The following RYR2 variants were observed in gnomAD, a reference collection of about 807,000 sequenced individuals.
RYR2 encodes cardiac muscle ryanodine receptor-calcium release channel.
Under a neutral mutation model 601.1 loss-of-function variants are expected in RYR2, and 227 were observed. That is an observed-to-expected ratio of 0.38 (90% CI 0.34 to 0.42). RYR2 has a LOEUF of 0.42. RYR2 is among the 10% of genes least tolerant of loss of function. The pLI is 1.00. For missense variants in RYR2, 4,646 were observed against 6,156.5 expected (o/e 0.75, Z 8.21); for synonymous variants, 2,223 against 2,175.1 (o/e 1.02, Z -0.61).
At chr1:237,831,441 T>G (rs1574129176) in intron 103 of RYR2, 73 bp from the exon 104 acceptor site, 1 of 833,984 alleles carries the variant, frequency 1.2e-6, no homozygotes, top group East Asian at 2.5e-5. Flanking sequence ...ACCATACAAT[T>G]TATCTAAATA....
intron 71 of RYR2, among the ~76,000 whole-genome samples, chr1:237,712,321 G>T (rs1054951929): frequency 1.3e-5 from 2 of 152,062 alleles, no homozygotes; most frequent in Non-Finnish European, 2.9e-5. Context: ...GATTAGAGCA[G>T]GTGGATAGTA....
At chr1:237,677,161 A>T (rs1467437826) in intron 60 of RYR2, among the ~76,000 whole-genome samples, 1 of 152,096 alleles carries the variant, frequency 6.6e-6, no homozygotes, top group African/African-American at 2.4e-5. Flanking sequence ...TATTATTATT[A>T]TATTATTTTG....
At chr1:237,644,375 G>A (rs962848860) in intron 48 of RYR2, among the ~76,000 whole-genome samples, 2 of 152,040 alleles carry the variant, frequency 1.3e-5, no homozygotes, top group African/African-American at 4.8e-5. Flanking sequence ...AGGGACTACA[G>A]GCATGTGTCA....
At chr1:237,291,661 T>C (rs1432317278) in intron 2 of RYR2, among the ~76,000 whole-genome samples, 1 of 152,106 alleles carries the variant, frequency 6.6e-6, no homozygotes, top group Non-Finnish European at 1.5e-5. Context: ...TGCATGTCAC[T>C]AAGTGAAAGA....
chr1:237,297,926 A>ATT lies in RYR2; in HGVS notation c.168+27323_168+27324dup, dbSNP rs71661539. ...CTACCATATCTGGCTAATTTTTTGTATTTTTTTTTTTTTTGTAGAGGTGTG... is the reference window on the plus strand; with the variant it reads ...CTACCATATCTGGCTAATTTTTTGTATTTTTTTTTTTTTTTTGTAGAGGTGTG... On this transcript the variant is annotated intron_variant, in intron 2 of 104. Transcript: ENST00000366574. Among the ~76,000 whole-genome samples the ATT allele has an allele frequency of 1.5e-3, 205 of 133,370 alleles. 2 individuals are homozygous for ATT. Among genetic ancestry groups the ATT allele is most frequent in the African/African-American group, 4.1e-3 (147 of 35,466 alleles). 87.5% of individuals were successfully genotyped at this position (133,370 alleles called of 152,430 possible).
At chr1:237,797,181 G>A (rs1475201732) in intron 96 of RYR2, among the ~76,000 whole-genome samples, 2 of 152,070 alleles carry the variant, frequency 1.3e-5, no homozygotes, top group South Asian at 2.1e-4. Context: ...AGCTCACAGG[G>A]GAGCTGTGAG....
chr1:237,350,698 C>T (rs879625850), intron 3 of RYR2, among the ~76,000 whole-genome samples: 2 of 139,264 alleles, frequency 1.4e-5, no homozygotes, highest in African/African-American at 2.7e-5. Flanking sequence ...GGACATTTCC[C>T]TATGTTAAAA....
intron 1 of RYR2, among the ~76,000 whole-genome samples, chr1:237,070,057 A>G (rs754338417): frequency 5.7e-4 from 80 of 140,786 alleles, no homozygotes; most frequent in Non-Finnish European, 9.9e-4. Flanking sequence ...TGGAGACACA[A>G]TCTTACTGTG....
At chr1:237,226,593 T>C (rs1273484083) in intron 1 of RYR2, among the ~76,000 whole-genome samples, 1 of 152,166 alleles carries the variant, frequency 6.6e-6, no homozygotes, top group Non-Finnish European at 1.5e-5. Context: ...TTCCTGATTC[T>C]AAGGCCATTT....
intron 1 of RYR2, among the ~76,000 whole-genome samples, chr1:237,208,000 G>C (rs1682004511): frequency 2.0e-5 from 3 of 152,224 alleles, no homozygotes; most frequent in Non-Finnish European, 2.9e-5. Context: ...ATTTGTTCCA[G>C]GTGAGGCCCA....
At chr1:237,364,459 G>C in intron 5 of RYR2, 87 bp downstream of exon 5, 1 of 627,100 alleles carries the variant, frequency 1.6e-6, no homozygotes, top group African/African-American at 1.9e-5. Flanking sequence ...CTGCATATTA[G>C]TATAGCTGTA....
In RYR2 at chr1:237,209,497, A is replaced by ATGTGTGTG. The variant is rs55861841; in HGVS notation, c.49-60990_49-60983dup. The stretch of plus-strand genomic sequence containing the variant: ...ATGGTACAGTGTAAAATCTGCATAT[A>ATGTGTGTG]TGTGTGTGTGTGTGTGTATTTTTTT... On this transcript the variant is annotated intron_variant, in intron 1 of 104. Coordinates refer to ENST00000366574, the MANE Select transcript of RYR2 (RefSeq NM_001035.3). 2.0e-3 allele frequency among the ~76,000 whole-genome samples: 285 copies of ATGTGTGTG among 143,348 alleles called. 3 individuals carry two copies. Among genetic ancestry groups the ATGTGTGTG allele is most frequent in the African/African-American group, 6.6e-3 (259 of 39,460 alleles). The allele number at this position is 143,348 out of a possible 152,430, so 94.0% of individuals were successfully genotyped here.
intron 1 of RYR2, among the ~76,000 whole-genome samples, chr1:237,204,673 G>C (rs996504800): frequency 6.6e-6 from 1 of 152,078 alleles, no homozygotes; most frequent in Non-Finnish European, 1.5e-5. Context: ...CTTTATATTG[G>C]CGGGGTTTTA....
chr1:237,664,423 A>G (rs1182770494), intron 56 of RYR2, among the ~76,000 whole-genome samples: 1 of 152,238 alleles, frequency 6.6e-6, no homozygotes, highest in Admixed American at 6.5e-5. Flanking sequence ...GCAAATTTCA[A>G]AAGAAAGAGG....
chr1:237,172,845 CA>C (rs1247618115), intron 1 of RYR2, among the ~76,000 whole-genome samples: 1 of 152,122 alleles, frequency 6.6e-6, no homozygotes, highest in African/African-American at 2.4e-5. Context: ...GTCTCTGGAA[CA>C]GTCGTTTGTG....
chr1:237,180,806 T>A lies in RYR2; in HGVS notation c.49-89691T>A, dbSNP rs1678656075. The stretch of plus-strand genomic sequence containing the variant: ...ATGAATTATACCAATTATATAATAA[T>A]TACTAATTTCAATCATGTAAATATA... On this transcript the variant is annotated intron_variant, in intron 1 of 104. Transcript: ENST00000366574. The surrounding 1 kb of genome is among the most constrained non-coding windows in gnomAD (Gnocchi z 5.3). Among the ~76,000 whole-genome samples, 1 of 147,816 alleles carries A rather than the reference T, an allele frequency of 6.8e-6. No homozygotes were observed. Among genetic ancestry groups the A allele is most frequent in the Admixed American group, 6.8e-5 (1 of 14,718 alleles).
At chr1:237,462,417 G>A (rs1006469011) in intron 16 of RYR2, among the ~76,000 whole-genome samples, 1 of 152,162 alleles carries the variant, frequency 6.6e-6, no homozygotes, top group Non-Finnish European at 1.5e-5. Context: ...CTTAGAAACA[G>A]CGATACTCAT....
intron 100 of RYR2, among the ~76,000 whole-genome samples, chr1:237,810,676 C>A (rs955489653): frequency 6.6e-6 from 1 of 152,156 alleles, no homozygotes; most frequent in African/African-American, 2.4e-5. Flanking sequence ...TAGCTGCCCT[C>A]ACAAGCTAGG....
At chr1:237,478,596 G>A (rs1228344048) in intron 17 of RYR2, among the ~76,000 whole-genome samples, 5 of 152,284 alleles carry the variant, frequency 3.3e-5, no homozygotes, top group African/African-American at 1.2e-4. Flanking sequence ...TAATAGCAAA[G>A]GCTGATACAA....
Sources: gnomAD v4.1 joint callset for allele counts (sites outside exome capture counted in the v4.1 genomes callset) on GRCh38, gnomAD v4.1.1 for gene constraint, Gnocchi (gnomAD v3.1) non-coding constraint, MANE v1.5 for transcripts, NCBI Gene and HGNC (gene_info 2026-07-23, HGNC 2026-07-21) for gene names.